The following PPIL2 variants were observed in gnomAD, a reference collection of about 807,000 sequenced individuals.
PPIL2 encodes the protein peptidylprolyl isomerase like 2, also known as RING-type E3 ubiquitin-protein ligase PPIL2.
A neutral mutation model predicts 75.2 loss-of-function variants in PPIL2; 50 were observed. That is an observed-to-expected ratio of 0.66 (90% confidence interval 0.53 to 0.84). The LOEUF is 0.84. PPIL2 is among the 40% of genes least tolerant of loss of function. The probability of loss-of-function intolerance (pLI) is 0.00; values close to 1 mark genes in which losing one functional copy is unlikely to be tolerated. For synonymous variants in PPIL2, 245 were observed against 258.8 expected (o/e 0.95, Z 0.51); for missense variants, 590 against 685.0 (o/e 0.86, Z 1.55).
rs710173 is a variant in PPIL2 at position 21,696,480 on chromosome 22, A to T, written c.*990A>T. The stretch of plus-strand genomic sequence containing the variant: ...TCACTGACTCTGATGGCCTTGGGCC[A>T]GCTGCATCAGCAGCCCTTAAAGAAA... On this transcript the variant is annotated 3_prime_UTR_variant, in exon 20 of 20. Transcript: ENST00000398831. The T allele has an allele frequency of 8.1e-7, 1 of 1,227,174 alleles. No individual in the cohort carries two copies. The highest frequency in any genetic ancestry group is 1.0e-6 in the Non-Finnish European group (1 of 969,802). The allele number at this position is 1,227,174 out of a possible 1,614,324, so 76.0% of individuals were successfully genotyped here.
chr22:21,681,500 G>A (rs2067129949), intron 7 of PPIL2, 110 bp downstream of exon 7: 3 of 962,308 alleles, frequency 3.1e-6, no homozygotes, highest in South Asian at 3.0e-5. Context: ...TCCTCGTGGG[G>A]TTTACAGTCA....
chr22:21,695,144 C>G lies in PPIL2; in HGVS notation c.1466+74C>G, dbSNP rs1367734544. The G allele has an allele frequency of 1.3e-5, 19 of 1,478,076 alleles. No individual in the cohort carries two copies. The South Asian group carries it at 2.1e-4, about 17-fold the overall frequency. 91.6% of individuals were successfully genotyped at this position (1,478,076 alleles called of 1,614,324 possible). A position where few individuals can be genotyped will look rare whatever the true frequency, so the allele number is the denominator to read the frequency against. ...GCTGACTGAGGTCTGAGGGTCAGAC[C>G]CAGAGGGGCAAGCAAGCTATGGGCA... On this transcript the variant is annotated intron_variant, in intron 19 of 19. Coordinates refer to ENST00000398831, the MANE Select transcript of PPIL2 (RefSeq NM_014337.4).
intron 11 of PPIL2, 44 bp from the exon 12 acceptor site, chr22:21,686,848 C>G (rs1182313087): frequency 6.3e-7 from 1 of 1,582,568 alleles, no homozygotes; most frequent in Admixed American, 1.7e-5. Flanking sequence ...GGTGGGGCTG[C>G]CCCAGGGTGA....
downstream of PPIL2, chr22:21,698,397 A>AAAT (rs1413718121): frequency 6.6e-6 from 1 of 152,352 alleles, no homozygotes; most frequent in Non-Finnish European, 1.5e-5. Flanking sequence ...GAAAAGCTCT[A>AAAT]AATAGAACTT....
At chr22:21,672,285 C>A (rs999773997) in intron 4 of PPIL2, 45 bp from the exon 5 acceptor site, 8 of 1,547,972 alleles carry the variant, frequency 5.2e-6, no homozygotes, top group Non-Finnish European at 6.2e-6. Flanking sequence ...TACCAGGTGG[C>A]GCCTAAGCAC....
At chr22:21,685,054 G>T in intron 10 of PPIL2, 141 bp downstream of exon 10, 5 of 1,219,774 alleles carry the variant, frequency 4.1e-6, no homozygotes, top group Non-Finnish European at 5.6e-6. Flanking sequence ...CCAGAGCTGT[G>T]GTGCCCCTGA....
chr22:21,686,339 T>A, intron 10 of PPIL2, 144 bp from the exon 11 acceptor site: 1 of 715,092 alleles, frequency 1.4e-6, no homozygotes, highest in East Asian at 2.8e-5. Context: ...CTCCTGCTGG[T>A]TGGGGAGGCC....
chr22:21,677,065 C>T (rs1489934972), intron 6 of PPIL2, among the ~76,000 whole-genome samples: 2 of 151,382 alleles, frequency 1.3e-5, no homozygotes, highest in African/African-American at 2.4e-5. Flanking sequence ...GGGCGGCTGC[C>T]GGGCGGAGAC....
intron 4 of PPIL2, among the ~76,000 whole-genome samples, chr22:21,671,683 C>T (rs563723865): frequency 2.2e-4 from 33 of 152,152 alleles, no homozygotes; most frequent in Non-Finnish European, 3.5e-4. Context: ...GCTGAGATTT[C>T]AGGCACACAC....
At chr22:21,667,579 C>T (rs939020880) in intron 1 of PPIL2, among the ~76,000 whole-genome samples, 1 of 152,054 alleles carries the variant, frequency 6.6e-6, no homozygotes, top group South Asian at 2.1e-4. Context: ...TCGACTTCAG[C>T]GGTCTTTCTT....
chr22:21,666,191 G>T (rs964279202), intron 1 of PPIL2, 60 bp downstream of exon 1: 180 of 1,541,584 alleles, frequency 1.2e-4, no homozygotes, highest in Non-Finnish European at 1.6e-4. Flanking sequence ...CGCCTGTCCC[G>T]CACTGCGCGC....
intron 11 of PPIL2, 32 bp downstream of exon 11, chr22:21,686,590 A>G: frequency 6.2e-7 from 1 of 1,602,456 alleles, no homozygotes; most frequent in Non-Finnish European, 8.5e-7. Flanking sequence ...GCCACCTGCC[A>G]TGTGACCCAA....
downstream of PPIL2, chr22:21,699,824 A>G (rs372451820): frequency 2.6e-4 from 40 of 152,706 alleles, 3 homozygotes; most frequent in African/African-American, 9.4e-4. Flanking sequence ...TGGACCAGCC[A>G]CTCAGCAACT....
Position 21,683,232 on chromosome 22 carries a change from G to T in PPIL2, c.528G>T (p.Lys176Asn). 6.2e-7 allele frequency: 1 copy of T among 1,612,878 alleles called. No individual in the cohort carries two copies. Residue 176 changes from lysine to asparagine, a missense_variant, in exon 9 of 20, where the codon AAG (lysine) becomes AAT (asparagine). Coordinates refer to ENST00000398831, the MANE Select transcript of PPIL2 (RefSeq NM_014337.4). ...ATGTCTCTAACTTCTATCATGTGAA[G>T]AATAACATGAAAATAATAGACCCAG... is the stretch of plus-strand genomic sequence containing the variant. ...KFNVSNFYHVKNNMKIIDPDE... is the reference protein window; with the variant it reads ...KFNVSNFYHVNNNMKIIDPDE...
intron 9 of PPIL2, among the ~76,000 whole-genome samples, chr22:21,683,985 ATTGCTTGAGC>A (rs1276801378): frequency 6.6e-6 from 1 of 152,186 alleles, no homozygotes; most frequent in Admixed American, 6.5e-5. Context: ...AGGCAGGCGG[ATTGCTTGAGC>A]TCAAGAGTTC....
intron 6 of PPIL2, among the ~76,000 whole-genome samples, chr22:21,679,896 G>A (rs1047278011): frequency 6.6e-6 from 1 of 151,298 alleles, no homozygotes; most frequent in Non-Finnish European, 1.5e-5. Context: ...GACCATCCTG[G>A]CTAACACGGT....
chr22:21,684,949 C>G (rs1478382110), intron 10 of PPIL2, 36 bp downstream of exon 10: 1 of 1,607,480 alleles, frequency 6.2e-7, no homozygotes, highest in African/African-American at 1.3e-5. Flanking sequence ...AGCCCAAGCC[C>G]CGTCTTCCTG....
At position 21,695,334 on chromosome 22, in the gene PPIL2, AGAC is replaced by A. The variant is rs1325771952; in HGVS notation, c.1467-59_1467-57del. 8 of 1,541,112 alleles carry A rather than the reference AGAC, an allele frequency of 5.2e-6. No homozygotes were observed. The East Asian group carries it at 1.9e-4, about 37-fold the overall frequency. On this transcript the variant is annotated intron_variant, in intron 19 of 19. Coordinates refer to ENST00000398831, the MANE Select transcript of PPIL2 (RefSeq NM_014337.4). ...CACCGGGAGGGCTGTATGGAGACAC[AGAC>A]AAGTCAGGAGGGGCTGAGGGAGGGT...
At position 21,681,360 on chromosome 22, in the gene PPIL2, G is replaced by A. The variant is rs1352773291; in HGVS notation, c.357G>A (p.Val119=). 7 of 1,614,170 alleles carry A rather than the reference G, an allele frequency of 4.3e-6. No individual in the cohort carries two copies. Among genetic ancestry groups the A allele is most frequent in the Admixed American group, 1.7e-5 (1 of 60,028 alleles). ...VFTNNTHIVA[V]RTTGNVYAYE... ...CCAACAACACCCACATCGTGGCTGT[G>A]AGGACGACCGGCAACGTCTACGCCT... The change falls in exon 7 of 20, where the codon GTG becomes GTA. Residue 119 remains valine (V), a synonymous_variant. Transcript: ENST00000398831.
Sources: allele counts gnomAD v4.1 joint callset (sites outside exome capture counted in the v4.1 genomes callset), GRCh38; gene constraint gnomAD v4.1.1; transcripts MANE v1.5; gene names NCBI Gene and HGNC (gene_info 2026-07-23, HGNC 2026-07-21).